SRGAP1: variants seen among roughly 807,000 people sequenced by gnomAD.
SRGAP1 encodes the protein SLIT-ROBO Rho GTPase-activating protein 1.
SRGAP1 carries 43 observed loss-of-function variants against 121.9 expected under a neutral mutation model. That is an observed-to-expected ratio of 0.35 (90% CI 0.28 to 0.46). The LOEUF (loss-of-function observed/expected upper bound fraction) is 0.46, where lower values mean the gene tolerates loss of function less well. SRGAP1 is among the 20% of genes least tolerant of loss of function. The pLI is 1.00. For synonymous variants in SRGAP1, 447 were observed against 485.4 expected, an observed-to-expected ratio of 0.92 and a Z score of 1.04; for missense variants, 1,102 against 1,350.9, an observed-to-expected ratio of 0.82 and a Z score of 2.89.
chr12:63,927,387 G>A (rs1433482632), intron 1 of SRGAP1, among the ~76,000 whole-genome samples: 1 of 152,146 alleles, frequency 6.6e-6, no homozygotes, highest in East Asian at 1.9e-4. Context: ...AGTATCTATT[G>A]GCTGATTGCT....
intron 1 of SRGAP1, among the ~76,000 whole-genome samples, chr12:63,845,699 T>C (rs1320210763): frequency 6.6e-6 from 1 of 152,206 alleles, no homozygotes; most frequent in Non-Finnish European, 1.5e-5. Context: ...AAGTATTTTG[T>C]TTTGTTACTG....
intron 7 of SRGAP1, among the ~76,000 whole-genome samples, chr12:64,064,761 G>T (rs1055063267): frequency 1.3e-5 from 2 of 152,064 alleles, no homozygotes; most frequent in African/African-American, 2.4e-5. Flanking sequence ...CTTTACTTAT[G>T]TCCGTACAAT....
intron 4 of SRGAP1, among the ~76,000 whole-genome samples, chr12:64,019,828 G>A (rs2034500396): frequency 6.6e-6 from 1 of 152,178 alleles, no homozygotes; most frequent in African/African-American, 2.4e-5. Context: ...GTTGCATCGT[G>A]CATAGAATTT....
intron 1 of SRGAP1, among the ~76,000 whole-genome samples, chr12:63,928,778 A>T (rs959415799): frequency 6.6e-6 from 1 of 152,188 alleles, no homozygotes; most frequent in Admixed American, 6.5e-5. Context: ...GGAACTGGAC[A>T]GTTCTGTCTG....
intron 3 of SRGAP1, 108 bp downstream of exon 3, chr12:63,990,180 A>G: frequency 1.2e-6 from 1 of 845,688 alleles, no homozygotes; most frequent in Non-Finnish European, 1.8e-6. Flanking sequence ...AATCCTTTAG[A>G]GACACAGAAT....
At chr12:64,053,124 A>G (rs1390086450) in intron 6 of SRGAP1, among the ~76,000 whole-genome samples, 1 of 152,226 alleles carries the variant, frequency 6.6e-6, no homozygotes, top group African/African-American at 2.4e-5. Context: ...ATTAGAGAGC[A>G]CCTACTGGCT....
At chr12:64,136,035 G>A (rs1015113064) in intron 21 of SRGAP1, among the ~76,000 whole-genome samples, 2 of 152,174 alleles carry the variant, frequency 1.3e-5, no homozygotes, top group Non-Finnish European at 2.9e-5. Context: ...ACCTTTTCAC[G>A]TTCTTCTGTT....
chr12:63,995,259 A>G (rs112038907), intron 3 of SRGAP1, among the ~76,000 whole-genome samples: 222 of 152,336 alleles, frequency 1.5e-3, no homozygotes, highest in African/African-American at 5.1e-3. Flanking sequence ...AATGATATCT[A>G]TAAGCTGCCA....
chr12:63,859,664 G>A (rs1302738836), intron 1 of SRGAP1, among the ~76,000 whole-genome samples: 1 of 151,670 alleles, frequency 6.6e-6, no homozygotes, highest in Non-Finnish European at 1.5e-5. Context: ...TAATATAAAC[G>A]CTATTACTAA....
At chr12:64,129,975 G>T (rs2036758151) in intron 21 of SRGAP1, among the ~76,000 whole-genome samples, 1 of 151,124 alleles carries the variant, frequency 6.6e-6, no homozygotes, top group African/African-American at 2.4e-5. Flanking sequence ...AGCAGGTCGT[G>T]GTTGTTGTTG....
At chr12:64,029,901 C>A (rs1288522829) in intron 4 of SRGAP1, among the ~76,000 whole-genome samples, 1 of 149,024 alleles carries the variant, frequency 6.7e-6, no homozygotes, top group Non-Finnish European at 1.5e-5. Flanking sequence ...GAGCAAGACT[C>A]CGTCTCAAAA....
In SRGAP1 at chr12:64,092,379, A is replaced by G. The variant is rs1440180810; in HGVS notation, c.1539+1001A>G. Among the ~76,000 whole-genome samples, 4 of 152,276 alleles carry G rather than the reference A, an allele frequency of 2.6e-5. No homozygotes were observed. In the East Asian group the frequency reaches 5.8e-4, roughly 22 times the overall value. The stretch of plus-strand genomic sequence containing the variant: ...AACCTCCCTTAATGATATATTACAG[A>G]CGTCTTACTTTCTTAGGTCTGTTTA... On this transcript the variant is annotated intron_variant, in intron 12 of 21. Coordinates refer to ENST00000355086, the MANE Select transcript of SRGAP1 (RefSeq NM_020762.4).
At chr12:63,913,452 C>CATATATATATATATATATATAT in intron 1 of SRGAP1, among the ~76,000 whole-genome samples, 1 of 85,996 alleles carries the variant, frequency 1.2e-5, no homozygotes, top group Non-Finnish European at 2.4e-5. Context: ...TCACTGTGTC[C>CATATATATATATATATATATAT]ACATATATAT....
chr12:63,924,065 T>TGGGAGGTGGAGGTTGCA (rs1307337138), intron 1 of SRGAP1, among the ~76,000 whole-genome samples: 43 of 152,082 alleles, frequency 2.8e-4, no homozygotes, highest in South Asian at 4.2e-4. Flanking sequence ...CGCTTGAACC[T>TGGGAGGTGGAGGTTGCA]GGGAGGTGGA....
chr12:64,156,201 T>G lies in SRGAP1; in HGVS notation c.*13529T>G, dbSNP rs1415254152. The stretch of plus-strand genomic sequence containing the variant: ...TGCTCCACACACTTGAAATATAAAT[T>G]TTTAAAGACATTTTATTCTTTTTTG... On this transcript the variant is annotated 3_prime_UTR_variant, in exon 22 of 22. Transcript: ENST00000355086. The G allele has an allele frequency of 2.6e-5, 4 of 152,226 alleles. No individual in the cohort carries two copies. Among genetic ancestry groups the G allele is most frequent in the African/African-American group, 9.6e-5 (4 of 41,458 alleles). The allele number at this position is 152,226 out of a possible 1,614,324, so 9.4% of individuals were successfully genotyped here.
At chr12:63,893,134 T>A (rs1900643553) in intron 1 of SRGAP1, among the ~76,000 whole-genome samples, 1 of 152,240 alleles carries the variant, frequency 6.6e-6, no homozygotes, top group African/African-American at 2.4e-5. Flanking sequence ...TATGCTGTTT[T>A]TCCCAGCCCA....
At chr12:64,017,419 C>T (rs2136466197) in intron 4 of SRGAP1, among the ~76,000 whole-genome samples, 1 of 152,152 alleles carries the variant, frequency 6.6e-6, no homozygotes, top group East Asian at 1.9e-4. Flanking sequence ...CTTTGGGAGG[C>T]CAAGGCTGGT....
intron 1 of SRGAP1, among the ~76,000 whole-genome samples, chr12:63,921,760 A>G (rs1417853603): frequency 1.3e-5 from 2 of 152,202 alleles, no homozygotes; most frequent in South Asian, 4.1e-4. Flanking sequence ...AGAACATTTA[A>G]TGAAGATTTG....
intron 6 of SRGAP1, among the ~76,000 whole-genome samples, chr12:64,045,364 T>C (rs2035108528): frequency 6.6e-6 from 1 of 152,128 alleles, no homozygotes; most frequent in Admixed American, 6.5e-5. Context: ...ATAAAAGAAC[T>C]AATATTCTTT....
Sources: gnomAD v4.1 joint callset for allele counts (sites outside exome capture counted in the v4.1 genomes callset) on GRCh38, gnomAD v4.1.1 for gene constraint, MANE v1.5 for transcripts, NCBI Gene and HGNC (gene_info 2026-07-23, HGNC 2026-07-21) for gene names.